ZC3H7A: variants seen among roughly 807,000 people sequenced by gnomAD.
ZC3H7A encodes zinc finger CCCH domain-containing protein 7A.
Under a neutral mutation model 125.5 loss-of-function variants are expected in ZC3H7A, and 44 were observed. That is an observed-to-expected ratio of 0.35 (90% CI 0.28 to 0.45). The LOEUF (loss-of-function observed/expected upper bound fraction) is 0.45. ZC3H7A is among the 20% of genes least tolerant of loss of function. The pLI, the probability that ZC3H7A is intolerant of heterozygous loss-of-function variation, is 1.00. For missense variants in ZC3H7A, 977 were observed against 1,170.7 expected (o/e 0.83, Z 2.41); for synonymous variants, 399 against 391.2 (o/e 1.02, Z -0.23).
intron 20 of ZC3H7A, among the ~76,000 whole-genome samples, chr16:11,757,982 A>G (rs2052682204): frequency 6.6e-6 from 1 of 152,200 alleles, no homozygotes; most frequent in Non-Finnish European, 1.5e-5. Flanking sequence ...AATTTGACCA[A>G]AATAAACATT....
intron 19 of ZC3H7A, 171 bp from the exon 20 acceptor site, chr16:11,758,710 A>C (rs772629291): frequency 1.1e-5 from 6 of 571,076 alleles, no homozygotes; most frequent in African/African-American, 5.7e-5. Flanking sequence ...TAAATATATG[A>C]AATGATATTA....
intron 1 of ZC3H7A, among the ~76,000 whole-genome samples, chr16:11,791,238 C>T (rs1304404993): frequency 2.0e-5 from 3 of 152,084 alleles, no homozygotes; most frequent in Non-Finnish European, 4.4e-5. Flanking sequence ...CCAAGCCACG[C>T]AGCTCCTGCC....
At chr16:11,791,532 G>C (rs561952540) in intron 1 of ZC3H7A, among the ~76,000 whole-genome samples, 166 of 152,254 alleles carry the variant, frequency 1.1e-3, no homozygotes, top group African/African-American at 3.8e-3. Flanking sequence ...TTCATTGTAA[G>C]AACAAGATCT....
chr16:11,768,634 A>C, intron 11 of ZC3H7A, 133 bp from the exon 12 acceptor site: 1 of 756,096 alleles, frequency 1.3e-6, no homozygotes, highest in Non-Finnish European at 1.9e-6. Context: ...TCCATCCTTA[A>C]TGCTCTTCTA....
At chr16:11,780,890 A>G (rs1308972768) in intron 3 of ZC3H7A, among the ~76,000 whole-genome samples, 1 of 152,210 alleles carries the variant, frequency 6.6e-6, no homozygotes, top group Non-Finnish European at 1.5e-5. Flanking sequence ...CCCTCTTGGT[A>G]TCCAGTCCCC....
intron 1 of ZC3H7A, among the ~76,000 whole-genome samples, chr16:11,787,019 A>T (rs2053266638): frequency 6.6e-6 from 1 of 152,166 alleles, no homozygotes; most frequent in Admixed American, 6.5e-5. Flanking sequence ...GTGAGTTTTG[A>T]CAAACTCATG....
chr16:11,763,301 A>G (rs2052784850), intron 16 of ZC3H7A, 177 bp downstream of exon 16: 1 of 477,846 alleles, frequency 2.1e-6, no homozygotes, highest in Admixed American at 4.0e-5. Flanking sequence ...AGAGATGGGG[A>G]TTTTGCCGTA....
chr16:11,787,286 G>C (rs966227440), intron 1 of ZC3H7A, among the ~76,000 whole-genome samples: 1 of 152,158 alleles, frequency 6.6e-6, no homozygotes. Flanking sequence ...CTGGGCAACA[G>C]AACAAGATCT....
At chr16:11,764,183 C>T (rs868128333) in intron 15 of ZC3H7A, among the ~76,000 whole-genome samples, 7 of 152,242 alleles carry the variant, frequency 4.6e-5, no homozygotes, top group Middle Eastern at 3.4e-3. Flanking sequence ...GAGGCCAAGA[C>T]GGGTGGATCA....
At chr16:11,785,852 C>G (rs911735715) in intron 1 of ZC3H7A, among the ~76,000 whole-genome samples, 1 of 152,214 alleles carries the variant, frequency 6.6e-6, no homozygotes, top group African/African-American at 2.4e-5. Context: ...ATCTCCTGAC[C>G]TCATGATCTG....
chr16:11,754,648 T>C (rs1031871280), intron 21 of ZC3H7A, among the ~76,000 whole-genome samples: 2 of 152,012 alleles, frequency 1.3e-5, no homozygotes, highest in African/African-American at 4.8e-5. Context: ...TCCCAGCACT[T>C]TGGGAGGCTG....
intron 3 of ZC3H7A, among the ~76,000 whole-genome samples, chr16:11,780,011 G>T (rs1446692492): frequency 6.6e-6 from 1 of 151,900 alleles, no homozygotes; most frequent in South Asian, 2.1e-4. Context: ...GGGGGAGGGG[G>T]ATGTTAAACT....
chr16:11,763,321 C>T, intron 16 of ZC3H7A, 157 bp downstream of exon 16: 1 of 622,052 alleles, frequency 1.6e-6, no homozygotes, highest in East Asian at 3.1e-5. Context: ...ACTGGCCAGA[C>T]TGGTCTTGAA....
chr16:11,779,833 C>G (rs2053144531), intron 3 of ZC3H7A, among the ~76,000 whole-genome samples: 2 of 151,210 alleles, frequency 1.3e-5, no homozygotes, highest in African/African-American at 4.9e-5. Context: ...TATGTAAAAT[C>G]TACCAATTTC....
At chr16:11,770,216 A>T (rs1459495859) in intron 10 of ZC3H7A, among the ~76,000 whole-genome samples, 1 of 152,158 alleles carries the variant, frequency 6.6e-6, no homozygotes, top group Non-Finnish European at 1.5e-5. Flanking sequence ...CCACGTAACA[A>T]TGCCTTCAAA....
chr16:11,752,421 A>T (rs1012459293), intron 22 of ZC3H7A, among the ~76,000 whole-genome samples: 2 of 152,222 alleles, frequency 1.3e-5, no homozygotes, highest in Non-Finnish European at 2.9e-5. Flanking sequence ...TCTCTATTCA[A>T]TTATCCTAAG....
chr16:11,755,706 G>A (rs917533979), intron 21 of ZC3H7A, among the ~76,000 whole-genome samples: 1 of 152,042 alleles, frequency 6.6e-6, no homozygotes, highest in Non-Finnish European at 1.5e-5. Flanking sequence ...ACCAGGACTT[G>A]GACTTATGAT....
At chr16:11,768,723 ATAAG>A (rs1156438560) in intron 11 of ZC3H7A, among the ~76,000 whole-genome samples, 1 of 152,070 alleles carries the variant, frequency 6.6e-6, no homozygotes, top group African/African-American at 2.4e-5. Context: ...CCTCCATATT[ATAAG>A]TAATAAGTTC....
Position 11,776,316 on chromosome 16 carries a change from T to G in ZC3H7A, c.585+4A>C, listed in dbSNP as rs1392110591. On this transcript the variant is annotated splice_donor_region_variant and intron_variant, in intron 7 of 22. Coordinates refer to ENST00000355758, the MANE Select transcript of ZC3H7A (RefSeq NM_014153.4). Reference sequence around the variant, plus strand: ...TATAATTTTGACAGAAAAAATAACTTTACCTTGGTAGCCCCATCCCCAGGA... The same window carrying G: ...TATAATTTTGACAGAAAAAATAACTGTACCTTGGTAGCCCCATCCCCAGGA... 6.3e-7 allele frequency: 1 copy of G among 1,598,786 alleles called. No individual in the cohort carries two copies. Among genetic ancestry groups the G allele is most frequent in the African/African-American group, 1.4e-5 (1 of 73,776 alleles).
Sources: allele counts gnomAD v4.1 joint callset (sites outside exome capture counted in the v4.1 genomes callset), GRCh38; gene constraint gnomAD v4.1.1; transcripts MANE v1.5; gene names NCBI Gene and HGNC (gene_info 2026-07-23, HGNC 2026-07-21).